Variants in CCDC68 observed in about 807,000 individuals in gnomAD.
The protein encoded by CCDC68 is coiled-coil domain containing 68, also known as coiled-coil domain-containing protein 68.
In CCDC68, 45 loss-of-function variants were observed where a neutral mutation model predicts 47.1. That is an observed-to-expected ratio of 0.96 (90% confidence interval 0.75 to 1.23). The LOEUF is 1.23. CCDC68 is among the 50% of genes most tolerant of loss of function. CCDC68 has a pLI of 0.00. For missense variants in CCDC68, 353 were observed against 373.6 expected (o/e 0.94, Z 0.45); for synonymous variants, 131 against 129.5 (o/e 1.01, Z -0.08).
Position 54,928,879 on chromosome 18 carries a change from T to C in CCDC68, c.604A>G (p.Lys202Glu). 6.3e-7 allele frequency: 1 copy of C among 1,596,628 alleles called. No individual in the cohort carries two copies. The highest frequency in any genetic ancestry group is 1.1e-5 in the South Asian group (1 of 90,506). ...AGTTTTCTTTCTAGTAGTGTTCTCT[T>C]TTCCTAGGAGAAAATAAGATACAAA... is the stretch of plus-strand genomic sequence containing the variant. ...ENLVQRMEKE[K>E]RTLLERKLSL... Residue 202 changes from lysine to glutamate, a missense_variant, in exon 8 of 12, where the codon AAG (lysine) becomes GAG (glutamate). Transcript: ENST00000591504.
At chr18:54,950,827 A>T (rs988823688) in intron 1 of CCDC68, among the ~76,000 whole-genome samples, 4 of 112,118 alleles carry the variant, frequency 3.6e-5, no homozygotes, top group Non-Finnish European at 5.9e-5. Flanking sequence ...ACAAAAAAGG[A>T]TGTAAGATTT....
intron 1 of CCDC68, among the ~76,000 whole-genome samples, chr18:54,946,658 G>A (rs924976793): frequency 6.6e-6 from 1 of 152,074 alleles, no homozygotes; most frequent in Non-Finnish European, 1.5e-5. Context: ...ACTCTCTTAT[G>A]TACCTTTTAT....
chr18:54,907,663 G>A (rs1877091313), intron 11 of CCDC68, 123 bp downstream of exon 11: 4 of 631,562 alleles, frequency 6.3e-6, no homozygotes, highest in South Asian at 2.2e-5. Flanking sequence ...GAAACTGGGA[G>A]AAAAACAGTA....
At chr18:54,923,440 T>TAAAAAAA (rs541934468) in intron 8 of CCDC68, among the ~76,000 whole-genome samples, 49 of 130,312 alleles carry the variant, frequency 3.8e-4, no homozygotes, top group African/African-American at 1.4e-3. Flanking sequence ...TCACTGTAAG[T>TAAAAAAA]AAAAAAAAAA....
rs539967588 is a variant in CCDC68, at chr18:54,901,894, T to C, written c.*2464A>G. The C allele has an allele frequency of 6.6e-5, 10 of 152,280 alleles. 1 individual carries two copies. The South Asian group carries it at 2.1e-3, about 32-fold the overall frequency. The allele number at this position is 152,280 out of a possible 1,614,324, so 9.4% of individuals were successfully genotyped here. A position where few individuals can be genotyped will look rare whatever the true frequency, so the allele number is the denominator to read the frequency against. ...TTGTTTTTTCACTGAGAAGTGTTTT[T>C]TTTTTCATAAAAAAATATTTCAAAT... On this transcript the variant is annotated 3_prime_UTR_variant, in exon 12 of 12. Coordinates refer to ENST00000591504, the MANE Select transcript of CCDC68 (RefSeq NM_025214.3).
intron 10 of CCDC68, among the ~76,000 whole-genome samples, chr18:54,913,727 T>G (rs1248760271): frequency 6.6e-6 from 1 of 152,082 alleles, no homozygotes; most frequent in Non-Finnish European, 1.5e-5. Flanking sequence ...GTAGGAGGAT[T>G]GCTTGAGCCT....
chr18:54,935,593 C>A (rs984322825), intron 6 of CCDC68, among the ~76,000 whole-genome samples: 10 of 152,136 alleles, frequency 6.6e-5, no homozygotes, highest in African/African-American at 2.4e-4. Flanking sequence ...GGTGCCGAGC[C>A]CACATTACAG....
chr18:54,954,282 C>A (rs973036973), intron 1 of CCDC68: 1 of 152,078 alleles, frequency 6.6e-6, no homozygotes, highest in Non-Finnish European at 1.5e-5. Flanking sequence ...GTCTCAAACT[C>A]CTGACCTCAG....
chr18:54,944,986 T>C (rs183942797), intron 2 of CCDC68, among the ~76,000 whole-genome samples: 169 of 152,312 alleles, frequency 1.1e-3, no homozygotes, highest in African/African-American at 3.9e-3. Context: ...TTAGACTAAC[T>C]GGATAACATG....
chr18:54,920,955 C>A (rs1231076732), intron 8 of CCDC68, among the ~76,000 whole-genome samples: 1 of 152,150 alleles, frequency 6.6e-6, no homozygotes, highest in Non-Finnish European at 1.5e-5. Flanking sequence ...AGGTGCCTAT[C>A]AACAGTGGAT....
intron 4 of CCDC68, among the ~76,000 whole-genome samples, 164 bp from the exon 5 acceptor site, chr18:54,938,261 G>A (rs1372136981): frequency 6.6e-6 from 1 of 152,196 alleles, no homozygotes; most frequent in Non-Finnish European, 1.5e-5. Context: ...AGATGAAGCA[G>A]TTGACTTCTA....
chr18:54,931,464 G>C (rs947090641), intron 7 of CCDC68, among the ~76,000 whole-genome samples: 151 of 152,140 alleles, frequency 9.9e-4, no homozygotes, highest in African/African-American at 3.6e-3. Context: ...AAATGTTTTG[G>C]AACCAAGTCT....
At chr18:54,922,786 G>A (rs575196591) in intron 8 of CCDC68, among the ~76,000 whole-genome samples, 49 of 151,790 alleles carry the variant, frequency 3.2e-4, no homozygotes, top group Non-Finnish European at 5.9e-4. Context: ...TCAGGAGTTC[G>A]AGATCAGCCT....
intron 7 of CCDC68, among the ~76,000 whole-genome samples, chr18:54,930,655 CTTCCTTCCTTCCT>C (rs2044234429): frequency 4.9e-5 from 1 of 20,572 alleles, no homozygotes; most frequent in Non-Finnish European, 1.2e-4. Context: ...CCCTCCCTCC[CTTCCTTCCTTCCT>C]TCCTTCCCTC....
chr18:54,905,896 C>T (rs1325116201), intron 11 of CCDC68, among the ~76,000 whole-genome samples: 1 of 152,184 alleles, frequency 6.6e-6, no homozygotes, highest in Non-Finnish European at 1.5e-5. Flanking sequence ...ATTAGAGTCT[C>T]ATAGGTGCAC....
intron 1 of CCDC68, among the ~76,000 whole-genome samples, chr18:54,949,395 T>C (rs948886725): frequency 6.6e-6 from 1 of 152,218 alleles, no homozygotes; most frequent in African/African-American, 2.4e-5. Context: ...TCTAAACTTT[T>C]TGAGGCTTCG....
intron 9 of CCDC68, among the ~76,000 whole-genome samples, chr18:54,918,578 T>G (rs1214869244): frequency 2.0e-5 from 3 of 152,202 alleles, no homozygotes. Context: ...CCAAAGTCCC[T>G]CCTGGCTCTC....
rs867759571 is a variant in CCDC68 at position 54,902,217 on chromosome 18, C to T, written c.*2141G>A. 1 of 152,138 alleles carries T rather than the reference C, an allele frequency of 6.6e-6. No homozygotes were observed. Among genetic ancestry groups the T allele is most frequent in the East Asian group, 1.9e-4 (1 of 5,194 alleles). 9.4% of individuals were successfully genotyped at this position (152,138 alleles called of 1,614,324 possible). On this transcript the variant is annotated 3_prime_UTR_variant, in exon 12 of 12. Coordinates refer to ENST00000591504, the MANE Select transcript of CCDC68 (RefSeq NM_025214.3). ...CATAGGTGGTTTCACCACTGTATTTCCATGTTCAAAAATGAGTATAGTGAA... is the reference window on the plus strand; with the variant it reads ...CATAGGTGGTTTCACCACTGTATTTTCATGTTCAAAAATGAGTATAGTGAA...
Position 54,903,377 on chromosome 18 carries a change from C to T in CCDC68, c.*981G>A, listed in dbSNP as rs1391545083. 1 of 152,166 alleles carries T rather than the reference C, an allele frequency of 6.6e-6. No homozygotes were observed. Among genetic ancestry groups the T allele is most frequent in the Non-Finnish European group, 1.5e-5 (1 of 68,024 alleles). 9.4% of individuals were successfully genotyped at this position (152,166 alleles called of 1,614,324 possible). On this transcript the variant is annotated 3_prime_UTR_variant, in exon 12 of 12. Coordinates refer to ENST00000591504, the MANE Select transcript of CCDC68 (RefSeq NM_025214.3). The stretch of plus-strand genomic sequence containing the variant: ...TTGTTCTATTCACTGCAATCACAAA[C>T]TCCACCTACAAAGAAGGCATGTATC...
Sources: gnomAD v4.1 joint callset for allele counts (sites outside exome capture counted in the v4.1 genomes callset) on GRCh38, gnomAD v4.1.1 for gene constraint, MANE v1.5 for transcripts, NCBI Gene and HGNC (gene_info 2026-07-23, HGNC 2026-07-21) for gene names.